SENP7: variants seen among roughly 807,000 people sequenced by gnomAD.
SENP7 encodes the protein sentrin-specific protease 7.
In SENP7, 64 loss-of-function variants were observed where a neutral mutation model predicts 141.2. The observed-to-expected ratio is 0.45, with a 90% CI of 0.37 to 0.56. The LOEUF is 0.56. SENP7 is among the 20% of genes least tolerant of loss of function. The pLI is 0.00. For missense variants in SENP7, 1,025 were observed against 1,212.2 expected, an observed-to-expected ratio of 0.85 and a Z score of 2.29; for synonymous variants, 382 against 426.4, an observed-to-expected ratio of 0.90 and a Z score of 1.28.
At chr3:101,346,288 G>A (rs1165711957) in intron 13 of SENP7, among the ~76,000 whole-genome samples, 1 of 152,104 alleles carries the variant, frequency 6.6e-6, no homozygotes, top group Non-Finnish European at 1.5e-5. Context: ...ACAGTGAAAA[G>A]GGAACACTTC....
chr3:101,438,275 T>G (rs1451583869), intron 4 of SENP7, among the ~76,000 whole-genome samples: 1 of 152,214 alleles, frequency 6.6e-6, no homozygotes. Context: ...AAATCTGGCA[T>G]ATTCTACAAC....
At chr3:101,460,579 C>T (rs987857125) in intron 3 of SENP7, among the ~76,000 whole-genome samples, 1 of 151,634 alleles carries the variant, frequency 6.6e-6, no homozygotes, top group African/African-American at 2.4e-5. Context: ...TATACAAGAG[C>T]TAAAATTATG....
At chr3:101,356,665 T>A (rs1319197116) in intron 11 of SENP7, among the ~76,000 whole-genome samples, 1 of 152,206 alleles carries the variant, frequency 6.6e-6, no homozygotes, top group African/African-American at 2.4e-5. Context: ...TTTTCATATT[T>A]ACTGCATCGG....
chr3:101,412,844 A>G (rs1232434230), intron 5 of SENP7, among the ~76,000 whole-genome samples: 3 of 152,170 alleles, frequency 2.0e-5, no homozygotes, highest in Non-Finnish European at 4.4e-5. Flanking sequence ...ACTAACACTA[A>G]AATGCAGTTT....
intron 3 of SENP7, among the ~76,000 whole-genome samples, chr3:101,485,395 TCCACGGC>T (rs2064685792): frequency 2.0e-5 from 3 of 152,074 alleles, no homozygotes; most frequent in African/African-American, 7.2e-5. Flanking sequence ...GGCATTGGTA[TCCACGGC>T]TGAGAGATCC....
intron 13 of SENP7, 106 bp from the exon 14 acceptor site, chr3:101,344,060 G>A: frequency 1.2e-6 from 1 of 802,918 alleles, no homozygotes; most frequent in Non-Finnish European, 1.9e-6. Flanking sequence ...ATAACCCCAA[G>A]TATTTTGTAT....
chr3:101,328,495 T>G lies in SENP7; in HGVS notation c.2847A>C (p.Thr949=). The change falls in exon 22 of 24, where the codon ACA becomes ACC. Residue 949 remains threonine (T), a synonymous_variant. Transcript: ENST00000394095. ...TTACTTACTCTCGTAAATTCTGAAC[T>G]GTGTTTTGTACAGAAGCAGCTTTCA... is the stretch of plus-strand genomic sequence containing the variant. ...DSLKAASVQN[T]VQNLREYLEV... is the part of the protein sequence containing the mutation. 2 of 1,612,194 alleles carry G rather than the reference T, an allele frequency of 1.2e-6. No homozygotes were observed. Among genetic ancestry groups the G allele is most frequent in the Non-Finnish European group, 1.7e-6 (2 of 1,178,762 alleles).
At chr3:101,343,017 T>A (rs2059367382) in intron 14 of SENP7, among the ~76,000 whole-genome samples, 1 of 152,112 alleles carries the variant, frequency 6.6e-6, no homozygotes, top group African/African-American at 2.4e-5. Context: ...ACAGGACTTG[T>A]CTCATTTTTC....
chr3:101,431,706 C>T (rs4505676), intron 4 of SENP7, among the ~76,000 whole-genome samples: 28,096 of 151,418 alleles, frequency 0.19, 3,116 homozygotes, highest in Admixed American at 0.35. Flanking sequence ...ATCGCTTGAA[C>T]CCGGGAGGCA....
At chr3:101,432,325 C>T (rs528259653) in intron 4 of SENP7, among the ~76,000 whole-genome samples, 113 of 152,286 alleles carry the variant, frequency 7.4e-4, no homozygotes, top group African/African-American at 2.3e-3. Flanking sequence ...CCCTGACTCC[C>T]GGACAGCACT....
intron 5 of SENP7, among the ~76,000 whole-genome samples, chr3:101,401,854 T>G (rs995690645): frequency 2.6e-5 from 4 of 151,608 alleles, no homozygotes; most frequent in African/African-American, 9.7e-5. Flanking sequence ...TATGGTGGCA[T>G]GCACCTGTAG....
intron 4 of SENP7, among the ~76,000 whole-genome samples, chr3:101,431,523 T>C (rs1328073021): frequency 1.3e-5 from 2 of 148,722 alleles, no homozygotes; most frequent in Admixed American, 1.3e-4. Flanking sequence ...TTTTTTTTTT[T>C]TTTTTTTGCT....
intron 3 of SENP7, among the ~76,000 whole-genome samples, chr3:101,463,374 T>TATATATATATATAC (rs1559864871): frequency 1.1e-3 from 92 of 85,940 alleles, no homozygotes; most frequent in African/African-American, 4.4e-3. Context: ...AATATATATA[T>TATATATATATATAC]ATATATATAT....
intron 11 of SENP7, chr3:101,358,814 T>C (rs1315638143): frequency 1.3e-5 from 2 of 154,160 alleles, no homozygotes; most frequent in Non-Finnish European, 2.9e-5. Flanking sequence ...TTTGTGTTTT[T>C]AGTAGAGAGG....
intron 6 of SENP7, among the ~76,000 whole-genome samples, chr3:101,384,601 G>A (rs1037197664): frequency 2.6e-5 from 4 of 152,182 alleles, no homozygotes; most frequent in East Asian, 3.9e-4. Context: ...CACCACAGCC[G>A]ACATGCCTGG....
intron 3 of SENP7, among the ~76,000 whole-genome samples, chr3:101,466,778 T>C (rs1200441143): frequency 1.3e-5 from 2 of 152,074 alleles, no homozygotes; most frequent in Non-Finnish European, 2.9e-5. Context: ...ACGCAGAAGA[T>C]GGGTGATTTC....
intron 4 of SENP7, among the ~76,000 whole-genome samples, chr3:101,452,308 C>A (rs569352202): frequency 6.6e-6 from 1 of 152,334 alleles, no homozygotes; most frequent in Admixed American, 6.5e-5. Context: ...TTTATAGATT[C>A]AATGGCATCC....
At position 101,352,786 on chromosome 3, in the gene SENP7, A is replaced by G. The variant is rs1048265219; in HGVS notation, c.1624-1135T>C. Among the ~76,000 whole-genome samples the G allele has an allele frequency of 2.0e-5, 3 of 152,128 alleles. No individual in the cohort carries two copies. The East Asian group carries it at 5.8e-4, about 29-fold the overall frequency. Reference sequence around the variant, plus strand: ...GTGAGCTCCATTTAAGTATCAAACAATGTTCAGTGAAACCACAGGTTTATT... The same window carrying G: ...GTGAGCTCCATTTAAGTATCAAACAGTGTTCAGTGAAACCACAGGTTTATT... On this transcript the variant is annotated intron_variant, in intron 11 of 23. Coordinates refer to ENST00000394095, the MANE Select transcript of SENP7 (RefSeq NM_020654.5).
intron 2 of SENP7, among the ~76,000 whole-genome samples, chr3:101,497,906 G>A (rs749224032): frequency 2.6e-5 from 4 of 152,172 alleles, no homozygotes; most frequent in Admixed American, 2.6e-4. Flanking sequence ...TGGCTCAAAC[G>A]ATCTTCCTAT....
Sources: allele counts gnomAD v4.1 joint callset (sites outside exome capture counted in the v4.1 genomes callset), GRCh38; gene constraint gnomAD v4.1.1; transcripts MANE v1.5; gene names NCBI Gene and HGNC (gene_info 2026-07-23, HGNC 2026-07-21).